The following ASXL3 variants were observed in gnomAD, a reference collection of about 807,000 sequenced individuals.
ASXL3 encodes the protein putative Polycomb group protein ASXL3.
Under a neutral mutation model 170.6 loss-of-function variants are expected in ASXL3, and 34 were observed. The observed-to-expected ratio is 0.20, with a 90% CI of 0.15 to 0.27. The LOEUF is 0.27. Ranked by LOEUF, ASXL3 falls within the 10% of genes least tolerant of loss-of-function variation. The probability of loss-of-function intolerance (pLI) is 1.00; values close to 1 mark genes in which losing one functional copy is unlikely to be tolerated. For synonymous variants in ASXL3, 1,002 were observed against 989.1 expected, an observed-to-expected ratio of 1.01 and a Z score of -0.24; for missense variants, 2,592 against 2,695.3, an observed-to-expected ratio of 0.96 and a Z score of 0.85.
chr18:33,657,027 C>T (rs2066095349), intron 4 of ASXL3, among the ~76,000 whole-genome samples: 1 of 151,992 alleles, frequency 6.6e-6, no homozygotes, highest in Non-Finnish European at 1.5e-5. Context: ...CATGTAAGTC[C>T]CTGAGTTTCC....
intron 2 of ASXL3, among the ~76,000 whole-genome samples, chr18:33,638,759 G>T (rs1199816530): frequency 6.6e-6 from 1 of 152,112 alleles, no homozygotes; most frequent in Non-Finnish European, 1.5e-5. Context: ...TGGGAATCAT[G>T]CCTACATTTT....
chr18:33,674,416 CAAA>C (rs1178556491), intron 7 of ASXL3, among the ~76,000 whole-genome samples: 1 of 152,126 alleles, frequency 6.6e-6, no homozygotes, highest in African/African-American at 2.4e-5. Context: ...ACAATTCTGT[CAAA>C]AATAAACTGC....
At chr18:33,696,851 A>T (rs1359283541) in intron 8 of ASXL3, among the ~76,000 whole-genome samples, 1 of 152,168 alleles carries the variant, frequency 6.6e-6, no homozygotes, top group African/African-American at 2.4e-5. Flanking sequence ...ATGATGTATC[A>T]CCAAACATAT....
chr18:33,610,521 A>G (rs1475151484), intron 2 of ASXL3, among the ~76,000 whole-genome samples: 3 of 151,978 alleles, frequency 2.0e-5, no homozygotes, highest in Non-Finnish European at 2.9e-5. Context: ...ATTTGTTTCA[A>G]GTGCTATCGG....
chr18:33,679,865 CT>C (rs2066486298), intron 7 of ASXL3, among the ~76,000 whole-genome samples: 1 of 151,834 alleles, frequency 6.6e-6, no homozygotes. Context: ...GTATTGTGTC[CT>C]TACCTTTCAT....
Position 33,744,847 on chromosome 18 carries a change from C to T in ASXL3, c.4999C>T (p.Pro1667Ser). The change falls in exon 12 of 12, where the codon CCT becomes TCT. Residue 1667 changes from proline to serine, a missense_variant. By Grantham distance (74) the Pro-to-Ser change is moderately conservative. Coordinates refer to ENST00000269197, the MANE Select transcript of ASXL3 (RefSeq NM_030632.3). ...PRNLVTNVAL[P>S]VKSELHEADK... ...GAATCTTGTAACAAATGTTGCTCTT[C>T]CTGTGAAATCTGAACTTCACGAAGC... 6.2e-7 allele frequency: 1 copy of T among 1,614,046 alleles called. No homozygotes were observed. Among genetic ancestry groups the T allele is most frequent in the Non-Finnish European group, 8.5e-7 (1 of 1,179,902 alleles).
intron 4 of ASXL3, among the ~76,000 whole-genome samples, chr18:33,661,240 GT>G (rs965551193): frequency 6.3e-4 from 95 of 150,830 alleles, no homozygotes; most frequent in African/African-American, 1.1e-3. Context: ...AATTTATATT[GT>G]TTTTTTTTGT....
At chr18:33,615,835 G>A (rs2145141351) in intron 2 of ASXL3, among the ~76,000 whole-genome samples, 1 of 152,162 alleles carries the variant, frequency 6.6e-6, no homozygotes, top group South Asian at 2.1e-4. Context: ...GAATGATAAA[G>A]CCTACATTAC....
chr18:33,634,229 A>G (rs1297101013), intron 2 of ASXL3, among the ~76,000 whole-genome samples: 1 of 152,206 alleles, frequency 6.6e-6, no homozygotes, highest in Non-Finnish European at 1.5e-5. Context: ...GAGGAAGAAA[A>G]TAATAAACAA....
At chr18:33,646,176 A>T in intron 3 of ASXL3, 69 bp from the exon 4 acceptor site, 1 of 1,161,110 alleles carries the variant, frequency 8.6e-7, no homozygotes, top group Non-Finnish European at 1.3e-6. Context: ...AGGATTCTGC[A>T]AGTATTTTGA....
intron 2 of ASXL3, among the ~76,000 whole-genome samples, chr18:33,632,320 A>G (rs929110256): frequency 1.3e-5 from 2 of 152,132 alleles, no homozygotes; most frequent in Non-Finnish European, 2.9e-5. Context: ...AAGAACTCAC[A>G]TCAGTCATTT....
intron 2 of ASXL3, among the ~76,000 whole-genome samples, chr18:33,641,517 AT>A (rs1216034636): frequency 2.6e-5 from 4 of 152,072 alleles, no homozygotes; most frequent in Non-Finnish European, 5.9e-5. Flanking sequence ...CTGCTTATTT[AT>A]TTCTAGTTAT....
chr18:33,623,767 G>T (rs2065554693), intron 2 of ASXL3, among the ~76,000 whole-genome samples: 1 of 152,154 alleles, frequency 6.6e-6, no homozygotes. Context: ...TTAGAAAAGG[G>T]AGTCTAGTTA....
intron 1 of ASXL3, among the ~76,000 whole-genome samples, chr18:33,602,544 G>GTAGAAA (rs1288323084): frequency 6.6e-6 from 1 of 152,112 alleles, no homozygotes; most frequent in Non-Finnish European, 1.5e-5. Context: ...TTCAAGAGTA[G>GTAGAAA]TAGAAATAGG....
intron 1 of ASXL3, chr18:33,579,238 TGTGCACACTGATAC>T (rs2064972680): frequency 6.5e-6 from 1 of 152,742 alleles, no homozygotes; most frequent in African/African-American, 2.4e-5. Context: ...GTGCATTATG[TGTGCACACTGATAC>T]GTGCATGTTT....
chr18:33,683,586 A>G lies in ASXL3; in HGVS notation c.879+18A>G. On this transcript the variant is annotated intron_variant, in intron 8 of 11. Coordinates refer to ENST00000269197, the MANE Select transcript of ASXL3 (RefSeq NM_030632.3). The stretch of plus-strand genomic sequence containing the variant: ...ATAGGCAGGTAAGTAGAAGTTTTAG[A>G]CATTTGATACCAGCCACTAGTTATA... The G allele has an allele frequency of 6.3e-7, 1 of 1,599,032 alleles. No homozygotes were observed. The highest frequency in any genetic ancestry group is 1.7e-5 in the Admixed American group (1 of 58,886).
chr18:33,598,761 A>G (rs923446255), intron 1 of ASXL3, among the ~76,000 whole-genome samples: 3 of 152,200 alleles, frequency 2.0e-5, no homozygotes, highest in African/African-American at 7.2e-5. Context: ...AAGACACTGT[A>G]AGAATCTGCA....
intron 1 of ASXL3, among the ~76,000 whole-genome samples, chr18:33,602,608 GA>G (rs772048251): frequency 1.1e-4 from 17 of 152,220 alleles, no homozygotes; most frequent in Admixed American, 3.9e-4. Context: ...AGCCCCCAGA[GA>G]GGACTTAGCA....
At chr18:33,713,265 T>TTTTTTTTTTTG (rs2067106548) in intron 8 of ASXL3, among the ~76,000 whole-genome samples, 1 of 121,216 alleles carries the variant, frequency 8.2e-6, no homozygotes, top group African/African-American at 3.3e-5. Context: ...TTTTTTTTTT[T>TTTTTTTTTTTG]TTTTTTTTTG....
Sources: allele counts gnomAD v4.1 joint callset (sites outside exome capture counted in the v4.1 genomes callset), GRCh38; gene constraint gnomAD v4.1.1; transcripts MANE v1.5; gene names NCBI Gene and HGNC (gene_info 2026-07-23, HGNC 2026-07-21).